The following MCC variants were observed in gnomAD, a reference collection of about 807,000 sequenced individuals.
MCC encodes the protein MCC regulator of Wnt signaling pathway, also known as colorectal mutant cancer protein.
In MCC, 90 loss-of-function variants were observed where a neutral mutation model predicts 116.2. That is an observed-to-expected ratio of 0.77 (90% CI 0.65 to 0.92). The LOEUF (loss-of-function observed/expected upper bound fraction) is 0.92, where lower values mean the gene tolerates loss of function less well. Ranked by LOEUF, MCC falls within the 40% of genes least tolerant of loss-of-function variation. The pLI is 0.00. For missense variants in MCC, 1,516 were observed against 1,312.2 expected, an observed-to-expected ratio of 1.16 and a Z score of -2.40; for synonymous variants, 578 against 510.5, an observed-to-expected ratio of 1.13 and a Z score of -1.78.
At chr5:113,219,550 AATAGT>A (rs1202104417) in intron 3 of MCC, among the ~76,000 whole-genome samples, 1 of 152,228 alleles carries the variant, frequency 6.6e-6, no homozygotes, top group African/African-American at 2.4e-5. Context: ...TTACGTTAGT[AATAGT>A]ATATTATTGA....
chr5:113,475,224 T>C (rs186331565), intron 1 of MCC, among the ~76,000 whole-genome samples: 12 of 152,364 alleles, frequency 7.9e-5, no homozygotes, highest in African/African-American at 2.9e-4. Flanking sequence ...AAGTATCTGG[T>C]ATATCACTGA....
intron 11 of MCC, among the ~76,000 whole-genome samples, chr5:113,077,925 AG>A (rs1296136951): frequency 1.7e-5 from 2 of 115,968 alleles, no homozygotes; most frequent in Non-Finnish European, 3.4e-5. Flanking sequence ...CTAATAAAGA[AG>A]AAAAGAGATG....
chr5:113,156,347 G>C (rs551756247), intron 3 of MCC, among the ~76,000 whole-genome samples: 30 of 152,162 alleles, frequency 2.0e-4, no homozygotes, highest in Non-Finnish European at 4.1e-4. Context: ...GCTGTGTCAA[G>C]ACAAATGATG....
At chr5:113,060,085 G>A (rs1487679934) in intron 14 of MCC, among the ~76,000 whole-genome samples, 2 of 152,204 alleles carry the variant, frequency 1.3e-5, no homozygotes, top group Non-Finnish European at 2.9e-5. Flanking sequence ...TTTTCCTGAA[G>A]TTTTCATCAA....
At chr5:113,449,141 A>G (rs564992348) in intron 1 of MCC, among the ~76,000 whole-genome samples, 1 of 152,324 alleles carries the variant, frequency 6.6e-6, no homozygotes, top group African/African-American at 2.4e-5. Flanking sequence ...GAACTAATCA[A>G]TTATGCAAAT....
At chr5:113,190,768 A>C (rs1762117701) in intron 3 of MCC, among the ~76,000 whole-genome samples, 1 of 152,234 alleles carries the variant, frequency 6.6e-6, no homozygotes, top group Non-Finnish European at 1.5e-5. Flanking sequence ...GAGGAAGTGT[A>C]TGAAACATCC....
intron 2 of MCC, among the ~76,000 whole-genome samples, chr5:113,342,059 T>C (rs1349404369): frequency 6.6e-6 from 1 of 151,508 alleles, no homozygotes; most frequent in Non-Finnish European, 1.5e-5. Flanking sequence ...CATCATAGCT[T>C]AGCTCCCACT....
intron 3 of MCC, among the ~76,000 whole-genome samples, chr5:113,254,593 TGCCATGATCCTAA>T (rs1764936102): frequency 6.6e-6 from 1 of 152,156 alleles, no homozygotes; most frequent in Non-Finnish European, 1.5e-5. Context: ...AACAAAAGTA[TGCCATGATCCTAA>T]GCCACTAACC....
intron 1 of MCC, among the ~76,000 whole-genome samples, chr5:113,450,957 C>G (rs574459281): frequency 6.6e-6 from 1 of 152,276 alleles, no homozygotes; most frequent in African/African-American, 2.4e-5. Context: ...ACAGCCCCTA[C>G]CCTCCTTTTT....
At chr5:113,231,327 T>G (rs568634862) in intron 3 of MCC, among the ~76,000 whole-genome samples, 1 of 152,320 alleles carries the variant, frequency 6.6e-6, no homozygotes, top group African/African-American at 2.4e-5. Context: ...GTTCAGTTTG[T>G]ATTACATTCT....
At chr5:113,267,072 T>C (rs184612882) in intron 3 of MCC, among the ~76,000 whole-genome samples, 5 of 152,278 alleles carry the variant, frequency 3.3e-5, no homozygotes, top group Admixed American at 6.5e-5. Flanking sequence ...TTAGCAATGA[T>C]TGCATTATTA....
chr5:113,280,984 T>G (rs1385625699), intron 3 of MCC, among the ~76,000 whole-genome samples: 1 of 152,224 alleles, frequency 6.6e-6, no homozygotes, highest in Non-Finnish European at 1.5e-5. Context: ...ATTGCCCTCA[T>G]GGTATATGCT....
At chr5:113,450,791 A>G (rs1366100732) in intron 1 of MCC, among the ~76,000 whole-genome samples, 1 of 152,236 alleles carries the variant, frequency 6.6e-6, no homozygotes, top group East Asian at 1.9e-4. Flanking sequence ...ATGCACCATC[A>G]GCATCTTCAG....
intron 3 of MCC, among the ~76,000 whole-genome samples, chr5:113,155,265 T>C (rs1249176171): frequency 3.9e-5 from 6 of 152,216 alleles, no homozygotes; most frequent in South Asian, 2.1e-4. Flanking sequence ...TGTACCACAC[T>C]CTGTATATCC....
rs1246757951 is a variant in MCC at position 113,027,144 on chromosome 5, C to A, written c.*158G>T. 4 of 694,170 alleles carry A rather than the reference C, an allele frequency of 5.8e-6. No individual in the cohort carries two copies. The highest frequency in any genetic ancestry group is 5.8e-5 in the Admixed American group (2 of 34,372). The allele number at this position is 694,170 out of a possible 1,614,324, so 43.0% of individuals were successfully genotyped here. On this transcript the variant is annotated 3_prime_UTR_variant, in exon 19 of 19. Coordinates refer to ENST00000408903, the MANE Select transcript of MCC (RefSeq NM_001085377.2). ...TCCACAATGTCACCATGGCCAGTCG[C>A]CCCAAGGGTTGAGTTGGGGCACTCC...
chr5:113,030,604 C>G (rs1415961427), intron 17 of MCC, among the ~76,000 whole-genome samples: 1 of 152,074 alleles, frequency 6.6e-6, no homozygotes, highest in Non-Finnish European at 1.5e-5. Context: ...CGCTTGAGTC[C>G]AGGAGGTCAA....
chr5:113,288,458 C>T (rs1766347345), intron 3 of MCC, among the ~76,000 whole-genome samples: 1 of 152,162 alleles, frequency 6.6e-6, no homozygotes, highest in Non-Finnish European at 1.5e-5. Flanking sequence ...GTCTCTCTCC[C>T]AACCCCCACT....
chr5:113,093,309 C>A (rs570780679), intron 8 of MCC, among the ~76,000 whole-genome samples: 1 of 152,262 alleles, frequency 6.6e-6, no homozygotes, highest in African/African-American at 2.4e-5. Flanking sequence ...GTGGTGCGCA[C>A]CTGTAGTCCC....
chr5:113,037,242 A>G (rs987553810), intron 17 of MCC, among the ~76,000 whole-genome samples: 1 of 152,140 alleles, frequency 6.6e-6, no homozygotes, highest in African/African-American at 2.4e-5. Flanking sequence ...TCCTTTTTCC[A>G]TTCAGGGACA....
Sources: allele counts gnomAD v4.1 joint callset (sites outside exome capture counted in the v4.1 genomes callset), GRCh38; gene constraint gnomAD v4.1.1; transcripts MANE v1.5; gene names NCBI Gene and HGNC (gene_info 2026-07-23, HGNC 2026-07-21).